CACNA2D3: variants seen among roughly 807,000 people sequenced by gnomAD.
CACNA2D3 encodes calcium voltage-gated channel auxiliary subunit alpha2delta 3.
CACNA2D3 carries 60 observed loss-of-function variants against 160.6 expected under a neutral mutation model. That is an observed-to-expected ratio of 0.37 (90% CI 0.30 to 0.46). The LOEUF is 0.46. Among genes scored for constraint, CACNA2D3 ranks in the 20% least tolerant of loss-of-function variants. CACNA2D3 has a pLI of 1.00. For missense variants in CACNA2D3, 1,205 were observed against 1,365.0 expected, an observed-to-expected ratio of 0.88 and a Z score of 1.85; for synonymous variants, 558 against 492.9, an observed-to-expected ratio of 1.13 and a Z score of -1.75.
intron 2 of CACNA2D3, among the ~76,000 whole-genome samples, chr3:54,254,259 A>C (rs904117324): frequency 2.6e-5 from 4 of 152,274 alleles, no homozygotes; most frequent in Admixed American, 2.6e-4. Context: ...CTGGAGGATC[A>C]TCTTCCATTT....
At chr3:54,138,761 A>T (rs1699866340) in intron 2 of CACNA2D3, among the ~76,000 whole-genome samples, 1 of 152,224 alleles carries the variant, frequency 6.6e-6, no homozygotes, top group African/African-American at 2.4e-5. Context: ...CAAGATCACG[A>T]AGCTAGTGAT....
intron 10 of CACNA2D3, 57 bp from the exon 11 acceptor site, chr3:54,642,071 A>T: frequency 8.9e-7 from 1 of 1,123,248 alleles, no homozygotes; most frequent in Non-Finnish European, 1.3e-6. Flanking sequence ...CTGATTTTTC[A>T]CTGATACACA....
chr3:54,538,411 T>C (rs1701921444), intron 5 of CACNA2D3, among the ~76,000 whole-genome samples: 1 of 152,104 alleles, frequency 6.6e-6, no homozygotes, highest in Non-Finnish European at 1.5e-5. Flanking sequence ...CAGCGTCCCT[T>C]GGGGGAGTCC....
chr3:54,654,857 T>C (rs1052741221), intron 11 of CACNA2D3, among the ~76,000 whole-genome samples: 1 of 152,182 alleles, frequency 6.6e-6, no homozygotes, highest in Non-Finnish European at 1.5e-5. Flanking sequence ...GATGAAGGCG[T>C]TGGGAATGAG....
At chr3:54,727,190 A>T (rs1476314184) in intron 11 of CACNA2D3, among the ~76,000 whole-genome samples, 1 of 152,256 alleles carries the variant, frequency 6.6e-6, no homozygotes, top group Non-Finnish European at 1.5e-5. Context: ...AGAAATGCAA[A>T]TCAAAACCAC....
At chr3:54,959,805 G>T (rs1032006601) in intron 27 of CACNA2D3, among the ~76,000 whole-genome samples, 1 of 152,146 alleles carries the variant, frequency 6.6e-6, no homozygotes, top group Admixed American at 6.5e-5. Context: ...AGAACTTTGT[G>T]AGCATAAAAT....
chr3:54,910,665 T>C (rs1294874136), intron 27 of CACNA2D3, among the ~76,000 whole-genome samples: 1 of 152,148 alleles, frequency 6.6e-6, no homozygotes, highest in African/African-American at 2.4e-5. Flanking sequence ...TGAACACTGT[T>C]CATAAACTGG....
intron 5 of CACNA2D3, among the ~76,000 whole-genome samples, chr3:54,520,403 A>G (rs959376865): frequency 1.3e-5 from 2 of 152,182 alleles, no homozygotes; most frequent in Non-Finnish European, 2.9e-5. Flanking sequence ...TGCTCAGTGT[A>G]TTTGTCCCAA....
chr3:55,064,115 A>C (rs1186004750), intron 35 of CACNA2D3, among the ~76,000 whole-genome samples: 1 of 152,204 alleles, frequency 6.6e-6, no homozygotes, highest in African/African-American at 2.4e-5. Context: ...GCAGCTCAGC[A>C]GCCGCAGGGC....
chr3:54,925,902 A>T lies in CACNA2D3; in HGVS notation c.2449+26034A>T, dbSNP rs1701000457. Among the ~76,000 whole-genome samples, 4 of 152,246 alleles carry T rather than the reference A, an allele frequency of 2.6e-5. No homozygotes were observed. The South Asian group carries it at 8.3e-4, about 31-fold the overall frequency. On this transcript the variant is annotated intron_variant, in intron 27 of 37. Coordinates refer to ENST00000474759, the MANE Select transcript of CACNA2D3 (RefSeq NM_018398.3). Reference sequence around the variant, plus strand: ...TGCCGTTGTAATTCCATGAACAAGGATAGTGTCTGCTGCTTTTTTATTCAA... The same window carrying T: ...TGCCGTTGTAATTCCATGAACAAGGTTAGTGTCTGCTGCTTTTTTATTCAA...
chr3:54,793,365 C>T (rs1056706659), intron 13 of CACNA2D3, among the ~76,000 whole-genome samples: 2 of 152,188 alleles, frequency 1.3e-5, no homozygotes, highest in African/African-American at 4.8e-5. Context: ...GTTTTTTAAG[C>T]TCTTGTTTCA....
At chr3:54,736,001 ATATATG>A (rs1701495147) in intron 11 of CACNA2D3, among the ~76,000 whole-genome samples, 1 of 105,810 alleles carries the variant, frequency 9.5e-6, no homozygotes, top group Non-Finnish European at 2.0e-5. Flanking sequence ...ATACATATAT[ATATATG>A]TATATATATA....
intron 4 of CACNA2D3, among the ~76,000 whole-genome samples, chr3:54,427,501 G>A (rs1041723336): frequency 1.3e-5 from 2 of 152,136 alleles, no homozygotes; most frequent in African/African-American, 2.4e-5. Context: ...GACAAGAGCT[G>A]GAAGCCAGAA....
rs1701666525 is a variant in CACNA2D3 at position 54,226,130 on chromosome 3, A to G, written c.205-94312A>G. ...GAACTCCAGTGTTTTTCTCCCCAGCATCGTGAGACTGATGATAGGTCTGTT... is the reference window on the plus strand; with the variant it reads ...GAACTCCAGTGTTTTTCTCCCCAGCGTCGTGAGACTGATGATAGGTCTGTT... On this transcript the variant is annotated intron_variant, in intron 2 of 37. Coordinates refer to ENST00000474759, the MANE Select transcript of CACNA2D3 (RefSeq NM_018398.3). Among the ~76,000 whole-genome samples the G allele has an allele frequency of 2.6e-5, 4 of 152,072 alleles. No homozygotes were observed. In the South Asian group the frequency reaches 8.3e-4, roughly 32 times the overall value.
In CACNA2D3 at chr3:55,074,174, C is replaced by T; in HGVS notation, c.3244C>T (p.Leu1082Phe). The change falls in exon 38 of 38, where the codon CTC becomes TTC. Residue 1082 changes from leucine (L) to phenylalanine (F), a missense_variant. Leu to Phe is a conservative substitution (Grantham distance 22). Transcript: ENST00000474759. ...CCAAGCCCAGACAGTCCTCCTTCTGCTCCCTCTGCTTTTGATGCTCTTCTC... is the reference window on the plus strand; with the variant it reads ...CCAAGCCCAGACAGTCCTCCTTCTGTTCCCTCTGCTTTTGATGCTCTTCTC... ...SLQAQTVLLL[L>F]PLLLMLFSR 2 of 1,613,790 alleles carry T rather than the reference C, an allele frequency of 1.2e-6. No individual in the cohort carries two copies. Among genetic ancestry groups the T allele is most frequent in the Non-Finnish European group, 8.5e-7 (1 of 1,179,722 alleles).
At position 54,522,929 on chromosome 3, in the gene CACNA2D3, TTTATTTACTTAC is replaced by T. The variant is rs1424205166; in HGVS notation, c.544+19279_544+19290del. On this transcript the variant is annotated intron_variant, in intron 5 of 37. Transcript: ENST00000474759. ...CACCATTTATTTATTTATTTATTTA[TTTATTTACTTAC>T]TTACTTACTTACTTACTTACTTACT... Among the ~76,000 whole-genome samples, 343 of 104,908 alleles carry T rather than the reference TTTATTTACTTAC, an allele frequency of 3.3e-3. 4 individuals carry two copies. The highest frequency in any genetic ancestry group is 3.1e-3 in the Non-Finnish European group (154 of 49,576). 68.8% of individuals were successfully genotyped at this position (104,908 alleles called of 152,430 possible).
chr3:54,587,334 A>G (rs940225517), intron 9 of CACNA2D3, among the ~76,000 whole-genome samples: 2 of 152,132 alleles, frequency 1.3e-5, no homozygotes, highest in Admixed American at 1.3e-4. Context: ...AGGCAGATGG[A>G]TCACCTGAGG....
chr3:54,328,017 T>C (rs562309334), intron 3 of CACNA2D3, among the ~76,000 whole-genome samples: 2 of 152,360 alleles, frequency 1.3e-5, no homozygotes, highest in Non-Finnish European at 2.9e-5. Flanking sequence ...TGTTTCACGG[T>C]TATAAGCAAT....
chr3:55,073,324 T>G, intron 35 of CACNA2D3, 121 bp from the exon 36 acceptor site: 1 of 659,804 alleles, frequency 1.5e-6, no homozygotes, highest in African/African-American at 1.8e-5. Context: ...AGTAGTAAAA[T>G]AGTCTCCAAA....
Sources: gnomAD v4.1 joint callset for allele counts (sites outside exome capture counted in the v4.1 genomes callset) on GRCh38, gnomAD v4.1.1 for gene constraint, MANE v1.5 for transcripts, NCBI Gene and HGNC (gene_info 2026-07-23, HGNC 2026-07-21) for gene names.